Variants in HEPH observed in about 807,000 individuals in gnomAD.
HEPH encodes the protein hephaestin.
In HEPH, 69 loss-of-function variants were observed where a neutral mutation model predicts 80.8. The ratio of observed to expected loss-of-function variants is 0.85; its 90% CI spans 0.70 to 1.04. The LOEUF (loss-of-function observed/expected upper bound fraction) is 1.04. Among genes scored for constraint, HEPH ranks in the 50% least tolerant of loss-of-function variants. The pLI is 0.00. For synonymous variants in HEPH, 431 were observed against 322.8 expected (o/e 1.34, Z -3.60); for missense variants, 1,115 against 891.3 (o/e 1.25, Z -3.20).
intron 15 of HEPH, among the ~76,000 whole-genome samples, chrX:66,249,457 G>A (rs2090931945): frequency 9.0e-6 from 1 of 111,532 alleles, no homozygotes; most frequent in Non-Finnish European, 1.9e-5. Flanking sequence ...AGAAGGTAAG[G>A]AACAAATGAG....
At chrX:66,260,936 T>G (rs1490362368) in intron 19 of HEPH, among the ~76,000 whole-genome samples, 1 of 109,638 alleles carries the variant, frequency 9.1e-6, no homozygotes, top group Non-Finnish European at 1.9e-5. Context: ...AAGGCTAATT[T>G]TTATACTTTT....
chrX:66,256,377 T>C, intron 17 of HEPH, 47 bp downstream of exon 17: 1 of 933,752 alleles, frequency 1.1e-6, no homozygotes, highest in Non-Finnish European at 1.5e-6. Context: ...TCCCTACTGG[T>C]TACATGGGGA....
intron 8 of HEPH, 125 bp downstream of exon 8, chrX:66,193,763 A>T (rs2087938945): frequency 7.0e-6 from 3 of 430,339 alleles, no homozygotes; most frequent in Non-Finnish European, 1.2e-5. Context: ...AGTGAGTCTT[A>T]TGAGATGATT....
chrX:66,202,338 G>A (rs905470564), intron 12 of HEPH, among the ~76,000 whole-genome samples: 10 of 111,963 alleles, frequency 8.9e-5, no homozygotes, highest in East Asian at 8.4e-4. Context: ...TGGTAGTTTG[G>A]TGCCAACTCA....
intron 15 of HEPH, among the ~76,000 whole-genome samples, chrX:66,220,757 CTCATA>C (rs973027071): frequency 1.8e-5 from 2 of 111,238 alleles, no homozygotes; most frequent in African/African-American, 6.6e-5. Flanking sequence ...TAACACATTA[CTCATA>C]TCATTTATGA....
At chrX:66,176,208 A>T (rs552010689) in intron 4 of HEPH, among the ~76,000 whole-genome samples, 1 of 112,126 alleles carries the variant, frequency 8.9e-6, no homozygotes, top group South Asian at 3.7e-4. Flanking sequence ...AATTTTGCTG[A>T]GAGTTTTAAT....
intron 15 of HEPH, among the ~76,000 whole-genome samples, chrX:66,233,483 G>A (rs897623807): frequency 3.6e-5 from 4 of 111,639 alleles, no homozygotes; most frequent in Admixed American, 9.6e-5. Context: ...TTTGTGAGGA[G>A]CTTTCCTAGA....
At chrX:66,199,695 A>G (rs978519099) in intron 11 of HEPH, among the ~76,000 whole-genome samples, 5 of 112,184 alleles carry the variant, frequency 4.5e-5, no homozygotes, top group Non-Finnish European at 7.5e-5. Flanking sequence ...GTTACAATCC[A>G]TGGCAACTGA....
rs1429768600 is a variant in HEPH, at chrX:66,192,169, T to C, written c.1103T>C (p.Met368Thr). The C allele has an allele frequency of 1.2e-5, 14 of 1,208,341 alleles. No homozygotes were observed. The highest frequency in any genetic ancestry group is 1.2e-5 in the Non-Finnish European group (11 of 894,675). ...QALYKVKSCS[M>T]APPVDLLTGK... ...CTCTACAAGGTCAAGTCTTGCTCCA[T>C]GGCCCCTCCTGTGGACCTGCTCACA... The change falls in exon 7 of 21, where the codon ATG (methionine) becomes ACG (threonine). Residue 368 changes from methionine to threonine, a missense_variant. Transcript: ENST00000343002.
intron 3 of HEPH, among the ~76,000 whole-genome samples, chrX:66,172,990 T>C (rs958782019): frequency 8.9e-6 from 1 of 112,563 alleles, no homozygotes; most frequent in Non-Finnish European, 1.9e-5. Flanking sequence ...ATTTTGTTTT[T>C]CCCTAAAGGG....
chrX:66,241,505 G>A (rs911934033), intron 15 of HEPH, among the ~76,000 whole-genome samples: 4 of 111,475 alleles, frequency 3.6e-5, no homozygotes, highest in Non-Finnish European at 5.7e-5. Flanking sequence ...AATCAAAAAG[G>A]CCAAACAGGG....
At position 66,207,303 on chromosome X, in the gene HEPH, G is replaced by A. The variant is rs2088845141; in HGVS notation, c.2400G>A (p.Arg800=). The stretch of plus-strand genomic sequence containing the variant: ...GTACATTCAGGATCCCTCGGCCAAG[G>A]ACTGGACCAGAAGAACACTTGGGAA... ...TDGTFRIPRP[R]TGPEEHLGIL... Residue 800 remains arginine (R), a synonymous_variant, in exon 14 of 21, where the codon AGG becomes AGA. Transcript: ENST00000343002. 1.7e-6 allele frequency: 2 copies of A among 1,197,388 alleles called. No homozygotes were observed. Among genetic ancestry groups the A allele is most frequent in the Middle Eastern group, 2.3e-4 (1 of 4,299 alleles).
chrX:66,195,836 A>T (rs1050576520), intron 9 of HEPH, among the ~76,000 whole-genome samples: 1 of 111,872 alleles, frequency 8.9e-6, no homozygotes, highest in Non-Finnish European at 1.9e-5. Context: ...GGATTACTGT[A>T]TCAGGAGAGA....
Position 66,258,830 on chromosome X carries a change from T to C in HEPH, c.2897-10T>C, listed in dbSNP as rs1381773081. On this transcript the variant is annotated splice_polypyrimidine_tract_variant and intron_variant, in intron 17 of 20. Transcript: ENST00000343002. The stretch of plus-strand genomic sequence containing the variant: ...CTTTTCTTTTCTTTTCTTTTCTTTT[T>C]TTTTGACAGCAATCAATGGGAAACT... 1.4e-5 allele frequency: 16 copies of C among 1,125,155 alleles called. No homozygotes were observed. Among genetic ancestry groups the C allele is most frequent in the East Asian group, 3.3e-5 (1 of 30,285 alleles). 92.7% of individuals were successfully genotyped at this position (1,125,155 alleles called of 1,213,427 possible). A position where few individuals can be genotyped will look rare whatever the true frequency, so the allele number is the denominator to read the frequency against.
intron 4 of HEPH, among the ~76,000 whole-genome samples, chrX:66,178,087 C>T (rs1429634972): frequency 9.0e-6 from 1 of 111,552 alleles, no homozygotes; most frequent in Non-Finnish European, 1.9e-5. Context: ...AATGCTATCC[C>T]TCCCACATCC....
chrX:66,243,363 G>A (rs1408863392), intron 15 of HEPH, among the ~76,000 whole-genome samples: 1 of 111,987 alleles, frequency 8.9e-6, no homozygotes, highest in African/African-American at 3.2e-5. Flanking sequence ...AGGAGGCTAA[G>A]GATCAAAAAG....
chrX:66,186,621 A>T (rs1436430835), intron 4 of HEPH, among the ~76,000 whole-genome samples: 1 of 111,723 alleles, frequency 9.0e-6, no homozygotes, highest in Non-Finnish European at 1.9e-5. Flanking sequence ...TAGTGAGATG[A>T]ACCCGGTACC....
intron 4 of HEPH, among the ~76,000 whole-genome samples, chrX:66,186,505 G>T (rs1293396002): frequency 8.9e-6 from 1 of 112,630 alleles, no homozygotes; most frequent in African/African-American, 3.2e-5. Context: ...CTCAGAAAGG[G>T]AACTCCCTGA....
At chrX:66,265,071 A>G (rs148110434) in intron 20 of HEPH, among the ~76,000 whole-genome samples, 1,965 of 110,379 alleles carry the variant, frequency 0.018, 43 homozygotes, top group African/African-American at 0.062. Context: ...GATTTGTTCA[A>G]TGTCACAAAA....
Sources: gnomAD v4.1 joint callset for allele counts (sites outside exome capture counted in the v4.1 genomes callset) on GRCh38, gnomAD v4.1.1 for gene constraint, MANE v1.5 for transcripts, NCBI Gene and HGNC (gene_info 2026-07-23, HGNC 2026-07-21) for gene names.